Variants in EDNRB observed in about 807,000 individuals in gnomAD.
EDNRB encodes the protein endothelin receptor type B, also known as Hirschsprung disease 2.
EDNRB carries 18 observed loss-of-function variants against 46.4 expected under a neutral mutation model. That is an observed-to-expected ratio of 0.39 (90% CI 0.27 to 0.57). The LOEUF (loss-of-function observed/expected upper bound fraction) is 0.57, where lower values mean the gene tolerates loss of function less well. Among genes scored for constraint, EDNRB ranks in the 20% least tolerant of loss-of-function variants. The pLI, the probability that EDNRB is intolerant of heterozygous loss-of-function variation, is 0.61. For missense variants in EDNRB, 434 were observed against 537.5 expected (o/e 0.81, Z 1.90); for synonymous variants, 213 against 204.9 (o/e 1.04, Z -0.34).
chr13:77,942,905 T>C (rs1880795063), intron 1 of EDNRB, among the ~76,000 whole-genome samples: 1 of 152,170 alleles, frequency 6.6e-6, no homozygotes, highest in Admixed American at 6.5e-5. Context: ...CTTATAGTAA[T>C]GGATAATATT....
At chr13:77,942,870 A>G (rs1880794182) in intron 1 of EDNRB, among the ~76,000 whole-genome samples, 2 of 152,126 alleles carry the variant, frequency 1.3e-5, no homozygotes, top group South Asian at 2.1e-4. Flanking sequence ...AACAGATTCA[A>G]TTATTCTTAA....
At chr13:77,901,511 A>G (rs1051952281) in intron 3 of EDNRB, among the ~76,000 whole-genome samples, 2 of 152,020 alleles carry the variant, frequency 1.3e-5, no homozygotes, top group Non-Finnish European at 2.9e-5. Context: ...TCTTCACATA[A>G]GAAACTTATC....
chr13:77,928,741 C>T (rs1212502267), intron 1 of EDNRB, among the ~76,000 whole-genome samples: 1 of 152,134 alleles, frequency 6.6e-6, no homozygotes, highest in Non-Finnish European at 1.5e-5. Flanking sequence ...CTTACCTTTA[C>T]TCTAGGGAAA....
At chr13:77,948,993 A>C (rs1195509192) in intron 1 of EDNRB, among the ~76,000 whole-genome samples, 1 of 152,234 alleles carries the variant, frequency 6.6e-6, no homozygotes, top group African/African-American at 2.4e-5. Context: ...GCAAATATGA[A>C]GATTTGTAAG....
chr13:77,912,146 T>G (rs955165677), intron 1 of EDNRB, among the ~76,000 whole-genome samples: 1 of 152,098 alleles, frequency 6.6e-6, no homozygotes, highest in Non-Finnish European at 1.5e-5. Context: ...TATGGAAATA[T>G]CTTCAATCTT....
In EDNRB at chr13:77,896,744, C is replaced by T; in HGVS notation, c.*1456G>A. ...CGTTAGGCTAAGAATGGGAATCTGT[C>T]CCCATGGGTTTCCTCCAACCCCACC... On this transcript the variant is annotated 3_prime_UTR_variant, in exon 7 of 7. Transcript: ENST00000646607. The T allele has an allele frequency of 1.5e-6, 2 of 1,374,034 alleles. No individual in the cohort carries two copies. Among genetic ancestry groups the T allele is most frequent in the Non-Finnish European group, 1.9e-6 (2 of 1,067,632 alleles). The allele number at this position is 1,374,034 out of a possible 1,614,324, so 85.1% of individuals were successfully genotyped here.
chr13:77,964,589 G>A (rs1013816134), intron 1 of EDNRB, among the ~76,000 whole-genome samples: 4 of 152,110 alleles, frequency 2.6e-5, no homozygotes, highest in Admixed American at 1.3e-4. Flanking sequence ...GAGAACACTC[G>A]GACACAGGAA....
chr13:77,912,953 C>T (rs1268142804), intron 1 of EDNRB, among the ~76,000 whole-genome samples: 1 of 152,092 alleles, frequency 6.6e-6, no homozygotes, highest in Non-Finnish European at 1.5e-5. Context: ...GCATATGCTT[C>T]AGTTTACTGA....
At chr13:77,956,697 T>C (rs1325799411) in intron 1 of EDNRB, among the ~76,000 whole-genome samples, 2 of 152,242 alleles carry the variant, frequency 1.3e-5, no homozygotes, top group Admixed American at 6.5e-5. Context: ...CAAGGCTGTG[T>C]TCCTTTCTGG....
At chr13:77,946,652 T>G (rs1880928697) in intron 1 of EDNRB, among the ~76,000 whole-genome samples, 1 of 152,202 alleles carries the variant, frequency 6.6e-6, no homozygotes, top group South Asian at 2.1e-4. Flanking sequence ...AGCCACAGGC[T>G]GCAAGTTTGA....
intron 1 of EDNRB, among the ~76,000 whole-genome samples, chr13:77,929,311 G>T (rs963126997): frequency 6.6e-6 from 1 of 152,166 alleles, no homozygotes; most frequent in Admixed American, 6.5e-5. Flanking sequence ...GGGAGAAGAA[G>T]GAAAGATAAA....
chr13:77,896,796 T>C lies in EDNRB; in HGVS notation c.*1404A>G. The C allele has an allele frequency of 7.9e-7, 1 of 1,264,122 alleles. No homozygotes were observed. The highest frequency in any genetic ancestry group is 4.0e-5 in the East Asian group (1 of 24,958). The allele number at this position is 1,264,122 out of a possible 1,614,324, so 78.3% of individuals were successfully genotyped here. ...CATTTCCTCTCTCTTCCGTTTTCTC[T>C]TGTACATACTTTCACACACATCTCA... On this transcript the variant is annotated 3_prime_UTR_variant, in exon 7 of 7. Coordinates refer to ENST00000646607, the MANE Select transcript of EDNRB (RefSeq NM_001122659.3).
upstream of EDNRB, among the ~76,000 whole-genome samples, chr13:77,922,609 A>G (rs1880118395): frequency 6.6e-6 from 1 of 152,242 alleles, no homozygotes. Context: ...TTGAAGTAAG[A>G]GAATAAAAAA....
intron 1 of EDNRB, among the ~76,000 whole-genome samples, chr13:77,952,273 T>C (rs1881114588): frequency 6.6e-6 from 1 of 152,210 alleles, no homozygotes; most frequent in Admixed American, 6.5e-5. Flanking sequence ...AGATGTGCTC[T>C]GCTACAAGGG....
In EDNRB at chr13:77,918,610, C is replaced by A; in HGVS notation, c.-37G>T. ...CTCCAGAAGGCGTCCGGTGGCCGCTCCGCAGTTTCAGAGCCTAGAGACAAG... is the reference window on the plus strand; with the variant it reads ...CTCCAGAAGGCGTCCGGTGGCCGCTACGCAGTTTCAGAGCCTAGAGACAAG... On this transcript the variant is annotated 5_prime_UTR_variant, in exon 1 of 7. Coordinates refer to ENST00000646607, the MANE Select transcript of EDNRB (RefSeq NM_001122659.3). This position sits in a 1 kb window ranked among gnomAD's most constrained non-coding sequence, Gnocchi z 4.5. 6.4e-7 allele frequency: 1 copy of A among 1,560,662 alleles called. No homozygotes were observed.
chr13:77,923,301 A>T (rs1290038399), upstream of EDNRB, among the ~76,000 whole-genome samples: 2 of 151,916 alleles, frequency 1.3e-5, no homozygotes, highest in Non-Finnish European at 2.9e-5. Flanking sequence ...TCTTTGACAT[A>T]TTTTTTTTCA....
intron 1 of EDNRB, among the ~76,000 whole-genome samples, chr13:77,908,938 A>G (rs1287512785): frequency 6.6e-6 from 1 of 152,044 alleles, no homozygotes; most frequent in Non-Finnish European, 1.5e-5. Context: ...CATAACTGGC[A>G]CTGGTTTTCA....
chr13:77,915,871 A>G (rs1879783006), intron 1 of EDNRB, among the ~76,000 whole-genome samples: 2 of 152,356 alleles, frequency 1.3e-5, no homozygotes, highest in South Asian at 2.1e-4. Context: ...TTAAGACTGG[A>G]TGGCTTCAGG....
intron 1 of EDNRB, among the ~76,000 whole-genome samples, chr13:77,908,498 T>C (rs562565819): frequency 6.6e-6 from 1 of 151,724 alleles, no homozygotes; most frequent in Non-Finnish European, 1.5e-5. Flanking sequence ...ATTGTTCTTA[T>C]AGATGGGTAT....
Sources: allele counts gnomAD v4.1 joint callset (sites outside exome capture counted in the v4.1 genomes callset), GRCh38; gene constraint gnomAD v4.1.1; non-coding constraint Gnocchi (gnomAD v3.1); transcripts MANE v1.5; gene names NCBI Gene and HGNC (gene_info 2026-07-23, HGNC 2026-07-21).